PTPN4: variants seen among roughly 807,000 people sequenced by gnomAD.
PTPN4 encodes protein tyrosine phosphatase non-receptor type 4, also known as tyrosine-protein phosphatase non-receptor type 4.
Under a neutral mutation model 135.5 loss-of-function variants are expected in PTPN4, and 49 were observed. That is an observed-to-expected ratio of 0.36 (90% CI 0.29 to 0.46). The LOEUF (loss-of-function observed/expected upper bound fraction) is 0.46, where lower values mean the gene tolerates loss of function less well. Among genes scored for constraint, PTPN4 ranks in the 20% least tolerant of loss-of-function variants. PTPN4 has a pLI of 1.00. For synonymous variants in PTPN4, 333 were observed against 369.9 expected, an observed-to-expected ratio of 0.90 and a Z score of 1.14; for missense variants, 860 against 1,101.0, an observed-to-expected ratio of 0.78 and a Z score of 3.10.
chr2:119,934,089 T>A (rs1478949322), intron 14 of PTPN4, among the ~76,000 whole-genome samples: 3 of 152,180 alleles, frequency 2.0e-5, no homozygotes, highest in African/African-American at 4.8e-5. Flanking sequence ...ATGAAACAAT[T>A]TCAGGTATAA....
chr2:119,842,196 G>A (rs542667677), intron 2 of PTPN4, among the ~76,000 whole-genome samples: 1 of 152,266 alleles, frequency 6.6e-6, no homozygotes, highest in East Asian at 1.9e-4. Context: ...TTTTGTTTTT[G>A]ATGAATTATA....
chr2:119,975,999 ATTT>A (rs70949379), intron 26 of PTPN4, among the ~76,000 whole-genome samples: 2 of 117,548 alleles, frequency 1.7e-5, no homozygotes, highest in African/African-American at 3.1e-5. Context: ...TTATTTATTT[ATTT>A]TTTTTTTTTT....
chr2:119,761,034 A>T (rs138999176), intron 1 of PTPN4, among the ~76,000 whole-genome samples: 1 of 152,324 alleles, frequency 6.6e-6, no homozygotes, highest in Non-Finnish European at 1.5e-5. Flanking sequence ...ATGTAGTGAC[A>T]TCAGTATGTA....
At chr2:119,836,481 C>T (rs1168478669) in intron 2 of PTPN4, among the ~76,000 whole-genome samples, 1 of 152,246 alleles carries the variant, frequency 6.6e-6, no homozygotes, top group Non-Finnish European at 1.5e-5. Context: ...GGAGCGGCCG[C>T]TGCAAAGACA....
chr2:119,945,138 G>A lies in PTPN4; in HGVS notation c.1413G>A (p.Lys471=). 1 of 1,605,668 alleles carries A rather than the reference G, an allele frequency of 6.2e-7. No homozygotes were observed. Among genetic ancestry groups the A allele is most frequent in the Non-Finnish European group, 8.5e-7 (1 of 1,176,760 alleles). ...CAGCTTTACCACCCAAACAGTCAAA[G>A]AAAAACAGTTGGAACCAAATTCATT... ...KPPALPPKQS[K]KNSWNQIHYS... Residue 471 remains lysine (K), a synonymous_variant, in exon 16 of 27, where the codon AAG becomes AAA. Transcript: ENST00000263708.
intron 18 of PTPN4, among the ~76,000 whole-genome samples, chr2:119,947,223 C>A (rs1051947389): frequency 2.0e-5 from 3 of 152,100 alleles, no homozygotes; most frequent in Admixed American, 6.5e-5. Context: ...CTTTTTCTTA[C>A]CTAAATGATC....
At chr2:119,781,823 A>G in intron 1 of PTPN4, among the ~76,000 whole-genome samples, 1 of 152,234 alleles carries the variant, frequency 6.6e-6, no homozygotes. Context: ...TAGTTATACC[A>G]GAGATCTTAA....
chr2:119,790,497 A>G (rs528625809), intron 1 of PTPN4, among the ~76,000 whole-genome samples: 1 of 152,022 alleles, frequency 6.6e-6, no homozygotes, highest in East Asian at 1.9e-4. Context: ...TGAAATTAGT[A>G]TTAGTATAGG....
chr2:119,921,402 A>G (rs1056943055), intron 12 of PTPN4, among the ~76,000 whole-genome samples: 2 of 152,196 alleles, frequency 1.3e-5, no homozygotes, highest in African/African-American at 4.8e-5. Context: ...TAAATTGTAA[A>G]CCTAAACATG....
chr2:119,950,040 A>T (rs1199602484), intron 18 of PTPN4, among the ~76,000 whole-genome samples: 1 of 152,344 alleles, frequency 6.6e-6, no homozygotes, highest in East Asian at 1.9e-4. Context: ...CATATTAACT[A>T]TAAGAGAGTT....
chr2:119,961,029 ATATT>A, intron 23 of PTPN4, 76 bp downstream of exon 23: 1 of 1,413,548 alleles, frequency 7.1e-7, no homozygotes, highest in East Asian at 2.5e-5. Flanking sequence ...CAAAATATTC[ATATT>A]TATTTAAGCC....
chr2:119,774,861 A>G (rs1161527346), intron 1 of PTPN4, among the ~76,000 whole-genome samples: 1 of 152,004 alleles, frequency 6.6e-6, no homozygotes, highest in African/African-American at 2.4e-5. Context: ...CCCGTCTACT[A>G]AAAATACAAA....
chr2:119,889,931 C>T (rs79111558), intron 9 of PTPN4, among the ~76,000 whole-genome samples: 11 of 152,186 alleles, frequency 7.2e-5, no homozygotes, highest in African/African-American at 2.6e-4. Flanking sequence ...GTTTTGTGGC[C>T]AAACATATGG....
chr2:119,970,040 A>G (rs1320000894), intron 26 of PTPN4, among the ~76,000 whole-genome samples: 1 of 151,860 alleles, frequency 6.6e-6, no homozygotes, highest in African/African-American at 2.4e-5. Flanking sequence ...TATTGCTACT[A>G]TATAACTTTT....
Position 119,983,831 on chromosome 2 carries a change from A to C in PTPN4, c.*6761A>C, listed in dbSNP as rs1213174126. ...CTGTGTTACTGGACTCTGAGTTCTC[A>C]CAGCTAGTTTCATCTAAGCTTGGTT... On this transcript the variant is annotated 3_prime_UTR_variant, in exon 27 of 27. Transcript: ENST00000263708. 6.6e-6 allele frequency: 1 copy of C among 152,204 alleles called. No homozygotes were observed. Among genetic ancestry groups the C allele is most frequent in the Non-Finnish European group, 1.5e-5 (1 of 68,028 alleles). 9.4% of individuals were successfully genotyped at this position (152,204 alleles called of 1,614,324 possible).
chr2:119,865,391 T>C (rs1280481748), intron 3 of PTPN4, among the ~76,000 whole-genome samples: 1 of 152,154 alleles, frequency 6.6e-6, no homozygotes, highest in Non-Finnish European at 1.5e-5. Flanking sequence ...TTTCCTCACT[T>C]ATGATGAAAG....
At chr2:119,804,396 A>G (rs1691429619) in intron 1 of PTPN4, among the ~76,000 whole-genome samples, 1 of 152,070 alleles carries the variant, frequency 6.6e-6, no homozygotes, top group Non-Finnish European at 1.5e-5. Flanking sequence ...CATCATTTAC[A>G]TTAGGTATTT....
intron 1 of PTPN4, among the ~76,000 whole-genome samples, chr2:119,791,901 T>G (rs1691155591): frequency 6.6e-6 from 1 of 152,202 alleles, no homozygotes; most frequent in Non-Finnish European, 1.5e-5. Context: ...TCTACTATCT[T>G]TCTCGGACTT....
In PTPN4 at chr2:119,982,203, T is replaced by C. The variant is rs1162638506; in HGVS notation, c.*5133T>C. 1 of 152,178 alleles carries C rather than the reference T, an allele frequency of 6.6e-6. No homozygotes were observed. Among genetic ancestry groups the C allele is most frequent in the African/African-American group, 2.4e-5 (1 of 41,448 alleles). 9.4% of individuals were successfully genotyped at this position (152,178 alleles called of 1,614,324 possible). A position where few individuals can be genotyped will look rare whatever the true frequency, so the allele number is the denominator to read the frequency against. ...AAGTTTCATTTAAACACTGTAGAGT[T>C]TCCTACCTTTGTTGTGTAAAGGATA... On this transcript the variant is annotated 3_prime_UTR_variant, in exon 27 of 27. Coordinates refer to ENST00000263708, the MANE Select transcript of PTPN4 (RefSeq NM_002830.4).
Sources: allele counts gnomAD v4.1 joint callset (sites outside exome capture counted in the v4.1 genomes callset), GRCh38; gene constraint gnomAD v4.1.1; transcripts MANE v1.5; gene names NCBI Gene and HGNC (gene_info 2026-07-23, HGNC 2026-07-21).